Variants in MYO3B observed in about 807,000 individuals in gnomAD.
MYO3B encodes myosin IIIB.
MYO3B carries 156 observed loss-of-function variants against 174.6 expected under a neutral mutation model. That is an observed-to-expected ratio of 0.89 (90% CI 0.78 to 1.02). The LOEUF (loss-of-function observed/expected upper bound fraction) is 1.02, where lower values mean the gene tolerates loss of function less well. Ranked by LOEUF, MYO3B falls within the 50% of genes least tolerant of loss-of-function variation. The pLI, the probability that MYO3B is intolerant of heterozygous loss-of-function variation, is 0.00. For synonymous variants in MYO3B, 563 were observed against 569.1 expected, an observed-to-expected ratio of 0.99 and a Z score of 0.15; for missense variants, 1,632 against 1,639.4, an observed-to-expected ratio of 1.00 and a Z score of 0.08.
intron 32 of MYO3B, among the ~76,000 whole-genome samples, chr2:170,581,778 A>C (rs1271172396): frequency 1.3e-5 from 2 of 152,208 alleles, no homozygotes; most frequent in Admixed American, 6.5e-5. Context: ...CTGATTTATT[A>C]TAAAAGCTAA....
In MYO3B at chr2:170,214,800, A is replaced by C. The variant is rs751230785; in HGVS notation, c.498A>C (p.Thr166=). 3.0e-5 allele frequency: 48 copies of C among 1,613,900 alleles called. No individual in the cohort carries two copies. Among genetic ancestry groups the C allele is most frequent in the Non-Finnish European group, 4.0e-5 (47 of 1,179,940 alleles). ...DVKGNNILLT[T]EGGVKLVDFG... is the part of the protein sequence containing the mutation. The stretch of plus-strand genomic sequence containing the variant: ...AGGGGAATAACATTCTTCTGACAAC[A>C]GAAGGAGGAGTTAAGCTCGTTGACT... Residue 166 remains threonine (T), a synonymous_variant, in exon 5 of 35, where the codon ACA becomes ACC. Transcript: ENST00000408978.
intron 32 of MYO3B, among the ~76,000 whole-genome samples, chr2:170,593,209 C>A (rs546456634): frequency 6.6e-6 from 1 of 152,154 alleles, no homozygotes; most frequent in Non-Finnish European, 1.5e-5. Flanking sequence ...GCGATCCCCC[C>A]ACCTCAGCAT....
chr2:170,622,980 C>T (rs1255613822), intron 32 of MYO3B, among the ~76,000 whole-genome samples: 1 of 152,160 alleles, frequency 6.6e-6, no homozygotes, highest in Non-Finnish European at 1.5e-5. Flanking sequence ...CATTGTTGGA[C>T]ATTTGGGTTG....
chr2:170,494,132 T>G (rs1282838416), intron 25 of MYO3B, among the ~76,000 whole-genome samples: 1 of 152,246 alleles, frequency 6.6e-6, no homozygotes, highest in Non-Finnish European at 1.5e-5. Context: ...CCTGGAATCT[T>G]ACAGATCCTT....
intron 32 of MYO3B, among the ~76,000 whole-genome samples, chr2:170,592,974 T>C (rs1284504441): frequency 1.3e-5 from 2 of 152,156 alleles, no homozygotes; most frequent in African/African-American, 4.8e-5. Flanking sequence ...AGATAGAGAT[T>C]ATATACCTAA....
At chr2:170,457,592 A>G (rs984753397) in intron 23 of MYO3B, among the ~76,000 whole-genome samples, 1 of 152,178 alleles carries the variant, frequency 6.6e-6, no homozygotes, top group African/African-American at 2.4e-5. Context: ...CTAATGCCAC[A>G]TCTTGTCCAA....
At chr2:170,546,603 T>C (rs1238448866) in intron 32 of MYO3B, among the ~76,000 whole-genome samples, 1 of 152,256 alleles carries the variant, frequency 6.6e-6, no homozygotes, top group African/African-American at 2.4e-5. Flanking sequence ...AAACACTATA[T>C]GTAAATCGAA....
intron 7 of MYO3B, among the ~76,000 whole-genome samples, chr2:170,319,901 C>A (rs2093803028): frequency 6.6e-6 from 1 of 152,030 alleles, no homozygotes; most frequent in Non-Finnish European, 1.5e-5. Context: ...AGTTGTCAAC[C>A]AGGAATTTTT....
intron 7 of MYO3B, among the ~76,000 whole-genome samples, chr2:170,297,273 G>A (rs1316505251): frequency 6.6e-6 from 1 of 151,792 alleles, no homozygotes; most frequent in Non-Finnish European, 1.5e-5. Flanking sequence ...TTATAGGCCT[G>A]AAAAACAAAA....
At chr2:170,223,706 G>T (rs998110741) in intron 6 of MYO3B, among the ~76,000 whole-genome samples, 2 of 152,204 alleles carry the variant, frequency 1.3e-5, no homozygotes, top group African/African-American at 4.8e-5. Context: ...ATGGCAGGGG[G>T]TTAGGGGTAG....
At chr2:170,489,529 T>C (rs1686296196) in intron 25 of MYO3B, among the ~76,000 whole-genome samples, 1 of 152,216 alleles carries the variant, frequency 6.6e-6, no homozygotes, top group South Asian at 2.1e-4. Flanking sequence ...AGAACTTATC[T>C]CTACCTTTAG....
intron 32 of MYO3B, among the ~76,000 whole-genome samples, chr2:170,559,267 T>A (rs1263108583): frequency 6.6e-6 from 1 of 152,204 alleles, no homozygotes; most frequent in Non-Finnish European, 1.5e-5. Context: ...GGATGGCCAT[T>A]TTAGCTTCTT....
At chr2:170,403,828 T>C (rs550020195) in intron 19 of MYO3B, among the ~76,000 whole-genome samples, 19 of 152,354 alleles carry the variant, frequency 1.2e-4, no homozygotes, top group African/African-American at 4.6e-4. Context: ...GTTCCTTCCA[T>C]TTATTTCCCG....
intron 32 of MYO3B, among the ~76,000 whole-genome samples, chr2:170,631,942 G>C (rs987913512): frequency 6.6e-6 from 1 of 152,132 alleles, no homozygotes; most frequent in Non-Finnish European, 1.5e-5. Flanking sequence ...CCAACAAGAA[G>C]AGCTAACTAT....
At chr2:170,605,707 A>G (rs1694766254) in intron 32 of MYO3B, among the ~76,000 whole-genome samples, 1 of 152,142 alleles carries the variant, frequency 6.6e-6, no homozygotes, top group African/African-American at 2.4e-5. Flanking sequence ...AAATACAAAA[A>G]AAATTAGCCA....
intron 19 of MYO3B, 141 bp downstream of exon 19, chr2:170,403,136 G>A: frequency 4.2e-6 from 3 of 711,122 alleles, no homozygotes; most frequent in South Asian, 5.1e-5. Flanking sequence ...TGGCTAAATA[G>A]TCTAAATTTG....
At chr2:170,445,083 G>A (rs2094830455) in intron 23 of MYO3B, among the ~76,000 whole-genome samples, 1 of 152,168 alleles carries the variant, frequency 6.6e-6, no homozygotes, top group East Asian at 1.9e-4. Flanking sequence ...CAATATTTTT[G>A]TGAAGTGATC....
rs541385889 is a variant in MYO3B, at chr2:170,300,856, T to C, written c.750-34529T>C. ...TTAGGGTTTTTTTGTCTGTTTGTTT[T>C]TATTTTCCCCCATCTCAAAATTAGC... On this transcript the variant is annotated intron_variant, in intron 7 of 34. Coordinates refer to ENST00000408978, the MANE Select transcript of MYO3B (RefSeq NM_138995.5). Among the ~76,000 whole-genome samples, 3 of 152,338 alleles carry C rather than the reference T, an allele frequency of 2.0e-5. No homozygotes were observed. The South Asian group carries it at 6.2e-4, about 32-fold the overall frequency.
At position 170,652,097 on chromosome 2, in the gene MYO3B, C is replaced by G. The variant is rs370369235; in HGVS notation, c.3841-11C>G. The G allele has an allele frequency of 8.1e-6, 13 of 1,611,062 alleles. No homozygotes were observed. The African/African-American group carries it at 1.6e-4, about 20-fold the overall frequency. On this transcript the variant is annotated splice_polypyrimidine_tract_variant and intron_variant, in intron 33 of 34. Coordinates refer to ENST00000408978, the MANE Select transcript of MYO3B (RefSeq NM_138995.5). The stretch of plus-strand genomic sequence containing the variant: ...TTTGCTTTGACTGTGTGTTCTTGGC[C>G]CTCTCCACAGGGAACTCTAGAATAT...
Sources: allele counts gnomAD v4.1 joint callset (sites outside exome capture counted in the v4.1 genomes callset), GRCh38; gene constraint gnomAD v4.1.1; transcripts MANE v1.5; gene names NCBI Gene and HGNC (gene_info 2026-07-23, HGNC 2026-07-21).